The following SLC28A3 variants were observed in gnomAD, a reference collection of about 807,000 sequenced individuals.
SLC28A3 encodes the protein concentrative Na(+)-nucleoside cotransporter 3.
In SLC28A3, 68 loss-of-function variants were observed where a neutral mutation model predicts 84.2. That is an observed-to-expected ratio of 0.81 (90% confidence interval 0.66 to 0.99). The LOEUF (loss-of-function observed/expected upper bound fraction) is 0.99. SLC28A3 is among the 50% of genes least tolerant of loss of function. SLC28A3 has a pLI of 0.00. For missense variants in SLC28A3, 712 were observed against 841.5 expected (o/e 0.85, Z 1.90); for synonymous variants, 267 against 303.6 (o/e 0.88, Z 1.25).
Position 84,278,458 on chromosome 9 carries a change from A to G in SLC28A3, c.1950-114T>C, listed in dbSNP as rs1300142443. The G allele has an allele frequency of 2.3e-5, 32 of 1,399,814 alleles. No individual in the cohort carries two copies. In the East Asian group the frequency reaches 7.0e-4, roughly 31 times the overall value. 86.7% of individuals were successfully genotyped at this position (1,399,814 alleles called of 1,614,324 possible). On this transcript the variant is annotated intron_variant, in intron 17 of 17. Transcript: ENST00000376238. ...GCAGGAAGCTGATTTTCTTGCTCAC[A>G]TTCTGGTTAGGGTGGATTAAAGGAC... is the stretch of plus-strand genomic sequence containing the variant.
At chr9:84,307,132 CAAAAAAAA>C (rs34204820) in intron 3 of SLC28A3, among the ~76,000 whole-genome samples, 1 of 119,670 alleles carries the variant, frequency 8.4e-6, no homozygotes, top group South Asian at 2.7e-4. Context: ...CCGTCTCAAC[CAAAAAAAA>C]AAAAAAAAGG....
At chr9:84,288,228 T>C (rs1825075392) in intron 11 of SLC28A3, 50 bp from the exon 12 acceptor site, 1 of 1,610,966 alleles carries the variant, frequency 6.2e-7, no homozygotes, top group South Asian at 1.1e-5. Context: ...TTTTTTCTTG[T>C]GTTCAGAGGA....
chr9:84,292,974 C>A (rs1470649701), intron 9 of SLC28A3, among the ~76,000 whole-genome samples: 1 of 152,196 alleles, frequency 6.6e-6, no homozygotes, highest in African/African-American at 2.4e-5. Flanking sequence ...ATACTTTGAA[C>A]ATTATACAAA....
At chr9:84,310,501 G>A (rs1825954033) in intron 2 of SLC28A3, 1 of 985,318 alleles carries the variant, frequency 1.0e-6, no homozygotes, top group Non-Finnish European at 1.2e-6. Flanking sequence ...AATAGATGGA[G>A]GTGGAGCAGT....
At chr9:84,285,677 C>A in intron 13 of SLC28A3, 135 bp from the exon 14 acceptor site, 1 of 1,015,144 alleles carries the variant, frequency 9.9e-7, no homozygotes. Flanking sequence ...CCCATCTTTA[C>A]CCATCAGGAA....
chr9:84,314,872 A>T (rs1171318677), intron 1 of SLC28A3, among the ~76,000 whole-genome samples: 5 of 152,166 alleles, frequency 3.3e-5, no homozygotes, highest in Non-Finnish European at 7.3e-5. Context: ...AGGTCAGGAG[A>T]TTGAGACCAT....
the SLC28A3 span, among the ~76,000 whole-genome samples, chr9:84,347,785 T>C: frequency 6.6e-6 from 1 of 152,218 alleles, no homozygotes; most frequent in African/African-American, 2.4e-5. Context: ...TTACCCATCT[T>C]AGTCTCTGCT....
upstream of SLC28A3, among the ~76,000 whole-genome samples, chr9:84,343,038 C>T (rs983390354): frequency 2.0e-5 from 3 of 152,104 alleles, no homozygotes; most frequent in Non-Finnish European, 4.4e-5. Context: ...TGGCACATGC[C>T]TGTAGTCCCA....
chr9:84,340,642 TG>T lies in SLC28A3; in HGVS notation c.-10del. 1 of 1,614,126 alleles carries T rather than the reference TG, an allele frequency of 6.2e-7. No homozygotes were observed. Among genetic ancestry groups the T allele is most frequent in the Non-Finnish European group, 8.5e-7 (1 of 1,180,008 alleles). ...GTACTCCTCAGCTCCATGCTCTTTTTGCTGCTGGCTGGCTCTGGTCTGGAGG... is the reference window on the plus strand; with the variant it reads ...GTACTCCTCAGCTCCATGCTCTTTTTCTGCTGGCTGGCTCTGGTCTGGAGG... On this transcript the variant is annotated 5_prime_UTR_variant, in exon 1 of 18. Coordinates refer to ENST00000376238, the MANE Select transcript of SLC28A3 (RefSeq NM_001199633.2).
At chr9:84,320,051 T>TG (rs1826317809) in intron 1 of SLC28A3, among the ~76,000 whole-genome samples, 1 of 130,552 alleles carries the variant, frequency 7.7e-6, no homozygotes, top group Non-Finnish European at 1.6e-5. Context: ...TTTTTTTTTT[T>TG]TTTTTTTTTT....
chr9:84,297,443 T>G, intron 7 of SLC28A3, 145 bp from the exon 8 acceptor site: 1 of 622,672 alleles, frequency 1.6e-6, no homozygotes, highest in Non-Finnish European at 2.8e-6. Context: ...CTTTGCCCCC[T>G]CCAATGAATG....
At chr9:84,338,434 G>T (rs1053746307) in intron 1 of SLC28A3, among the ~76,000 whole-genome samples, 1 of 152,174 alleles carries the variant, frequency 6.6e-6, no homozygotes, top group African/African-American at 2.4e-5. Context: ...AAGACAAATT[G>T]TCTTCACTAT....
intron 1 of SLC28A3, among the ~76,000 whole-genome samples, chr9:84,320,053 T>TG (rs1564170453): frequency 7.6e-6 from 1 of 132,304 alleles, no homozygotes; most frequent in African/African-American, 3.0e-5. Context: ...TTTTTTTTTT[T>TG]TTTTTTTTTT....
In SLC28A3 at chr9:84,280,844, A is replaced by T; in HGVS notation, c.1686T>A (p.Gly562=). The T allele has an allele frequency of 1.9e-6, 3 of 1,614,148 alleles. No homozygotes were observed. The highest frequency in any genetic ancestry group is 4.5e-5 in the East Asian group (2 of 44,884). ...TTCCTAGGGACCCGATATTGGCAAA[A>T]CCACAGAGAGCGTAAGTGGCGATTA... The part of the protein sequence containing the change: ...SEIIATYALC[G]FANIGSLGIV... Residue 562 remains glycine, a synonymous_variant, in exon 15 of 18, where the codon GGT becomes GGA. Coordinates refer to ENST00000376238, the MANE Select transcript of SLC28A3 (RefSeq NM_001199633.2).
intron 16 of SLC28A3, 26 bp from the exon 17 acceptor site, chr9:84,279,411 A>G (rs755230381): frequency 7.0e-7 from 1 of 1,427,438 alleles, no homozygotes; most frequent in Non-Finnish European, 9.2e-7. Flanking sequence ...AGTCCCATTT[A>G]TTTATTATTT....
At chr9:84,345,155 A>G (rs1215684582), upstream of SLC28A3, among the ~76,000 whole-genome samples, 2 of 151,860 alleles carry the variant, frequency 1.3e-5, no homozygotes, top group African/African-American at 4.8e-5. Context: ...CGTGCTTCTT[A>G]TTGATGAGAC....
At chr9:84,338,732 C>T (rs1827062279) in intron 1 of SLC28A3, among the ~76,000 whole-genome samples, 1 of 152,162 alleles carries the variant, frequency 6.6e-6, no homozygotes, top group Non-Finnish European at 1.5e-5. Flanking sequence ...TATCCAATTC[C>T]ATCCTTTCCA....
chr9:84,293,806 C>T (rs1362103452), intron 9 of SLC28A3, among the ~76,000 whole-genome samples: 1 of 152,128 alleles, frequency 6.6e-6, no homozygotes, highest in Non-Finnish European at 1.5e-5. Context: ...CTTTTGTAAC[C>T]TCCTTAAGCA....
rs1270504583 is a variant in SLC28A3 at position 84,280,861 on chromosome 9, T to C, written c.1669A>G (p.Thr557Ala). The change falls in exon 15 of 18, where the codon ACT becomes GCT. Residue 557 changes from threonine (T) to alanine (A), a missense_variant. Coordinates refer to ENST00000376238, the MANE Select transcript of SLC28A3 (RefSeq NM_001199633.2). ...TTGGCAAAACCACAGAGAGCGTAAG[T>C]GGCGATTATCTCAGAACGAATCTGT... is the stretch of plus-strand genomic sequence containing the variant. The part of the protein sequence containing the change: ...YISIRSEIIA[T>A]YALCGFANIG... 6.2e-7 allele frequency: 1 copy of C among 1,613,890 alleles called. No homozygotes were observed. The highest frequency in any genetic ancestry group is 1.1e-5 in the South Asian group (1 of 91,016).
Sources: gnomAD v4.1 joint callset for allele counts (sites outside exome capture counted in the v4.1 genomes callset) on GRCh38, gnomAD v4.1.1 for gene constraint, MANE v1.5 for transcripts, NCBI Gene and HGNC (gene_info 2026-07-23, HGNC 2026-07-21) for gene names.